The following DPP10 variants were observed in gnomAD, a reference collection of about 807,000 sequenced individuals.
DPP10 encodes inactive dipeptidyl peptidase 10.
A neutral mutation model predicts 120.9 loss-of-function variants in DPP10; 33 were observed. The observed-to-expected ratio is 0.27, with a 90% CI of 0.21 to 0.37. DPP10 has a LOEUF of 0.37. DPP10 is among the 10% of genes least tolerant of loss of function. The pLI, the probability that DPP10 is intolerant of heterozygous loss-of-function variation, is 1.00. For missense variants in DPP10, 816 were observed against 942.8 expected (o/e 0.87, Z 1.76); for synonymous variants, 337 against 326.1 (o/e 1.03, Z -0.36).
intron 1 of DPP10, among the ~76,000 whole-genome samples, chr2:114,893,036 C>T (rs983054024): frequency 6.6e-6 from 1 of 152,128 alleles, no homozygotes; most frequent in Non-Finnish European, 1.5e-5. Flanking sequence ...GTGAAAGTGT[C>T]TTTATTATTA....
intron 3 of DPP10, among the ~76,000 whole-genome samples, chr2:115,466,468 A>C (rs563156389): frequency 6.6e-6 from 1 of 152,312 alleles, no homozygotes; most frequent in Admixed American, 6.5e-5. Context: ...TATTAATTAT[A>C]AAGTAGTTTA....
chr2:114,776,399 C>A (rs1681743592), intron 1 of DPP10, among the ~76,000 whole-genome samples: 1 of 152,074 alleles, frequency 6.6e-6, no homozygotes, highest in East Asian at 1.9e-4. Context: ...AAGGAAAAAA[C>A]AGTTACATTC....
At chr2:115,836,331 C>A in intron 22 of DPP10, 75 bp downstream of exon 22, 1 of 1,405,426 alleles carries the variant, frequency 7.1e-7, no homozygotes, top group Non-Finnish European at 9.8e-7. Flanking sequence ...TAGAATAGCT[C>A]AATTGAGCTC....
chr2:114,921,630 G>T (rs1035411850), intron 1 of DPP10, among the ~76,000 whole-genome samples: 2 of 152,032 alleles, frequency 1.3e-5, no homozygotes, highest in Non-Finnish European at 1.5e-5. Flanking sequence ...TTCTCTTAAG[G>T]GTTGTATAAA....
chr2:115,779,273 G>A (rs536683616), intron 15 of DPP10, among the ~76,000 whole-genome samples: 1 of 152,150 alleles, frequency 6.6e-6, no homozygotes, highest in Admixed American at 6.5e-5. Context: ...TAGTGTAGTC[G>A]ACAGTGTTAC....
intron 1 of DPP10, among the ~76,000 whole-genome samples, chr2:114,505,012 A>G (rs1011588683): frequency 1.4e-5 from 2 of 138,460 alleles, no homozygotes; most frequent in African/African-American, 2.7e-5. Flanking sequence ...ACATCGCGCC[A>G]CTGCACTCCA....
At chr2:115,229,707 A>G (rs1306313706) in intron 1 of DPP10, among the ~76,000 whole-genome samples, 1 of 146,474 alleles carries the variant, frequency 6.8e-6, no homozygotes, top group South Asian at 2.1e-4. Context: ...ATTCTATTCT[A>G]TTCTATTCTA....
chr2:114,966,044 C>T (rs546166601), intron 1 of DPP10, among the ~76,000 whole-genome samples: 33 of 147,838 alleles, frequency 2.2e-4, no homozygotes, highest in African/African-American at 8.2e-4. Context: ...CAACATGGGA[C>T]AATCAAATAA....
intron 1 of DPP10, among the ~76,000 whole-genome samples, chr2:114,575,544 T>C (rs1252232944): frequency 1.3e-5 from 2 of 152,222 alleles, no homozygotes; most frequent in Admixed American, 6.5e-5. Flanking sequence ...TATAGGGAAG[T>C]AATTTCTCCT....
intron 3 of DPP10, among the ~76,000 whole-genome samples, chr2:115,363,870 A>C (rs2106364877): frequency 6.6e-6 from 1 of 152,268 alleles, no homozygotes; most frequent in Non-Finnish European, 1.5e-5. Flanking sequence ...CGGGCCAATA[A>C]GGTTTGGTTA....
intron 1 of DPP10, among the ~76,000 whole-genome samples, chr2:114,505,290 T>C (rs560516464): frequency 4.1e-4 from 62 of 151,928 alleles, no homozygotes; most frequent in African/African-American, 1.3e-3. Context: ...AGCAATAAAT[T>C]GTAGGGAAGT....
At chr2:115,502,845 C>T (rs1340332194) in intron 4 of DPP10, among the ~76,000 whole-genome samples, 1 of 147,910 alleles carries the variant, frequency 6.8e-6, no homozygotes, top group Non-Finnish European at 1.5e-5. Context: ...AGGTGTGTGC[C>T]ACCAGGCTCG....
At chr2:114,686,518 C>T (rs970074060) in intron 1 of DPP10, among the ~76,000 whole-genome samples, 1 of 151,786 alleles carries the variant, frequency 6.6e-6, no homozygotes, top group Admixed American at 6.6e-5. Context: ...GGGTTTTTAT[C>T]TCTGCTTCTA....
intron 21 of DPP10, among the ~76,000 whole-genome samples, chr2:115,835,407 G>C (rs548122507): frequency 5.7e-4 from 87 of 152,104 alleles, no homozygotes; most frequent in Non-Finnish European, 1.0e-3. Flanking sequence ...TTGAGTCTTC[G>C]GTTATGTAGT....
chr2:115,077,554 C>T (rs1331658571), intron 1 of DPP10, among the ~76,000 whole-genome samples: 1 of 152,160 alleles, frequency 6.6e-6, no homozygotes, highest in African/African-American at 2.4e-5. Context: ...AACAACCTTG[C>T]CTAAGTTTCT....
chr2:115,130,246 T>A (rs1203871920), intron 1 of DPP10, among the ~76,000 whole-genome samples: 1 of 152,222 alleles, frequency 6.6e-6, no homozygotes, highest in Non-Finnish European at 1.5e-5. Context: ...TGAAACTTTT[T>A]AAGTCACAAT....
intron 3 of DPP10, among the ~76,000 whole-genome samples, chr2:115,395,897 A>G (rs1341243259): frequency 6.6e-6 from 1 of 152,148 alleles, no homozygotes. Flanking sequence ...ATACAATGAT[A>G]GAGTGCTGTG....
intron 1 of DPP10, among the ~76,000 whole-genome samples, chr2:115,046,549 G>A (rs984388095): frequency 4.6e-5 from 7 of 152,070 alleles, no homozygotes; most frequent in African/African-American, 1.7e-4. Context: ...AATAAGAGTG[G>A]GTGATAACTG....
intron 1 of DPP10, among the ~76,000 whole-genome samples, chr2:114,957,652 A>G (rs750579694): frequency 6.6e-6 from 1 of 152,234 alleles, no homozygotes; most frequent in East Asian, 1.9e-4. Flanking sequence ...TTAAGTGTTC[A>G]TTGGTGCCTT....
Sources: gnomAD v4.1 joint callset for allele counts (sites outside exome capture counted in the v4.1 genomes callset) on GRCh38, gnomAD v4.1.1 for gene constraint, MANE v1.5 for transcripts, NCBI Gene and HGNC (gene_info 2026-07-23, HGNC 2026-07-21) for gene names.